Variants in COMMD1 observed in about 807,000 individuals in gnomAD.
COMMD1 encodes COMM domain-containing protein 1.
Under a neutral mutation model 17.2 loss-of-function variants are expected in COMMD1, and 10 were observed. The observed-to-expected ratio is 0.58, with a 90% CI of 0.36 to 0.99. COMMD1 has a LOEUF of 0.99. COMMD1 is among the 50% of genes least tolerant of loss of function. COMMD1 has a pLI of 0.01. For missense variants in COMMD1, 270 were observed against 231.8 expected (o/e 1.17, Z -1.07); for synonymous variants, 97 against 91.6 (o/e 1.06, Z -0.34).
At chr2:61,888,607 A>T, upstream of COMMD1, 1 of 1,383,216 alleles carries the variant, frequency 7.2e-7, no homozygotes, top group Non-Finnish European at 9.6e-7. Flanking sequence ...TGCCTTCACG[A>T]ACCTTCCAGA....
chr2:62,000,632 G>C (rs1668902771), intron 1 of COMMD1, 69 bp from the exon 2 acceptor site: 4 of 1,429,758 alleles, frequency 2.8e-6, no homozygotes, highest in Non-Finnish European at 3.9e-6. Context: ...ATAATCTGTA[G>C]TTAAGAAGCT....
intron 1 of COMMD1, among the ~76,000 whole-genome samples, chr2:61,940,910 G>C (rs1306072447): frequency 6.6e-6 from 1 of 151,944 alleles, no homozygotes; most frequent in East Asian, 1.9e-4. Context: ...GGATGGTCTC[G>C]ATCTCCTGAC....
At chr2:61,999,194 A>C (rs552878061) in intron 1 of COMMD1, among the ~76,000 whole-genome samples, 5 of 152,338 alleles carry the variant, frequency 3.3e-5, no homozygotes, top group African/African-American at 1.2e-4. Flanking sequence ...TGCACAATAA[A>C]ATGAAGTATG....
intron 2 of COMMD1, among the ~76,000 whole-genome samples, chr2:62,109,541 G>T (rs915257001): frequency 2.0e-5 from 3 of 152,202 alleles, no homozygotes; most frequent in Non-Finnish European, 4.4e-5. Context: ...ACCCTATGAA[G>T]TGGGATAGAA....
chr2:62,128,951 A>T (rs1672956497), intron 2 of COMMD1, among the ~76,000 whole-genome samples: 1 of 52,468 alleles, frequency 1.9e-5, no homozygotes, highest in South Asian at 4.2e-4. Context: ...AACTCCATCT[A>T]AAAAAAAAAA....
intron 1 of COMMD1, among the ~76,000 whole-genome samples, chr2:61,986,354 C>G (rs1672104890): frequency 6.6e-6 from 1 of 151,976 alleles, no homozygotes; most frequent in Non-Finnish European, 1.5e-5. Context: ...TGCCTTGAGA[C>G]AGTCTTCTTT....
chr2:61,907,008 A>G (rs1353436573), intron 1 of COMMD1, among the ~76,000 whole-genome samples: 1 of 152,258 alleles, frequency 6.6e-6, no homozygotes, highest in African/African-American at 2.4e-5. Flanking sequence ...GGATTGTCTC[A>G]TGGAAATGTA....
At chr2:61,909,504 A>G (rs1669852441) in intron 1 of COMMD1, among the ~76,000 whole-genome samples, 1 of 152,202 alleles carries the variant, frequency 6.6e-6, no homozygotes, top group Non-Finnish European at 1.5e-5. Flanking sequence ...TGGGTGGGGT[A>G]GGAAAAAAGC....
At chr2:61,920,094 C>A (rs1050745444) in intron 1 of COMMD1, among the ~76,000 whole-genome samples, 1 of 152,194 alleles carries the variant, frequency 6.6e-6, no homozygotes, top group African/African-American at 2.4e-5. Flanking sequence ...TGAAAAAGAT[C>A]TAGTACAGCT....
chr2:61,994,032 G>A (rs1450280149), intron 1 of COMMD1, among the ~76,000 whole-genome samples: 4 of 151,634 alleles, frequency 2.6e-5, no homozygotes, highest in African/African-American at 9.7e-5. Context: ...TGTCACCCAG[G>A]CTGAAGTGCA....
At chr2:61,955,226 T>C (rs1215676793) in intron 1 of COMMD1, among the ~76,000 whole-genome samples, 1 of 152,136 alleles carries the variant, frequency 6.6e-6, no homozygotes, top group Non-Finnish European at 1.5e-5. Flanking sequence ...TGGTGGCTCA[T>C]GTCTGTAATC....
rs952840637 is a variant in COMMD1, at chr2:62,011,842, A to G, written c.462+10860A>G. Reference sequence around the variant, plus strand: ...GTGACATTTACATATGATTTTTCCAACATCGTAAACTCTGTGATCCAGAGC... The same window carrying G: ...GTGACATTTACATATGATTTTTCCAGCATCGTAAACTCTGTGATCCAGAGC... On this transcript the variant is annotated intron_variant, in intron 2 of 2. Transcript: ENST00000311832. 2.6e-5 allele frequency among the ~76,000 whole-genome samples: 4 copies of G among 152,348 alleles called. No individual in the cohort carries two copies. In the South Asian group the frequency reaches 6.2e-4, roughly 24 times the overall value.
At chr2:62,113,153 T>C (rs181308478) in intron 2 of COMMD1, among the ~76,000 whole-genome samples, 48 of 151,716 alleles carry the variant, frequency 3.2e-4, no homozygotes, top group Admixed American at 2.0e-3. Flanking sequence ...AAGACTAGCC[T>C]GGGCAACATA....
At chr2:61,943,053 A>C (rs2103642731) in intron 1 of COMMD1, among the ~76,000 whole-genome samples, 1 of 152,386 alleles carries the variant, frequency 6.6e-6, no homozygotes, top group African/African-American at 2.4e-5. Context: ...GGATGCAAAC[A>C]GTGGATTTTA....
chr2:62,077,459 T>G (rs1343507840), intron 2 of COMMD1, among the ~76,000 whole-genome samples: 1 of 152,148 alleles, frequency 6.6e-6, no homozygotes, highest in African/African-American at 2.4e-5. Context: ...ATTTTCTTTT[T>G]CTAGAGTCTG....
intron 2 of COMMD1, among the ~76,000 whole-genome samples, chr2:62,068,863 G>A (rs367745582): frequency 1.3e-5 from 2 of 151,528 alleles, no homozygotes; most frequent in Admixed American, 6.6e-5. Flanking sequence ...GAATGGTCTC[G>A]ATCTCCTGAC....
At chr2:62,087,984 C>T (rs915042399) in intron 2 of COMMD1, among the ~76,000 whole-genome samples, 1 of 152,176 alleles carries the variant, frequency 6.6e-6, no homozygotes, top group African/African-American at 2.4e-5. Flanking sequence ...CACTGTTTTT[C>T]TTGAACTGTT....
At chr2:62,114,656 T>C (rs1672539923) in intron 2 of COMMD1, among the ~76,000 whole-genome samples, 1 of 152,204 alleles carries the variant, frequency 6.6e-6, no homozygotes, top group South Asian at 2.1e-4. Context: ...CTCATGTTCT[T>C]GGCTGCTCCA....
chr2:62,023,377 GA>G (rs1396410653), intron 2 of COMMD1, among the ~76,000 whole-genome samples: 1 of 151,982 alleles, frequency 6.6e-6, no homozygotes, highest in Admixed American at 6.6e-5. Flanking sequence ...AAAACAAAGA[GA>G]AAAACTGAAT....
Sources: allele counts gnomAD v4.1 joint callset (sites outside exome capture counted in the v4.1 genomes callset), GRCh38; gene constraint gnomAD v4.1.1; transcripts MANE v1.5; gene names NCBI Gene and HGNC (gene_info 2026-07-23, HGNC 2026-07-21).